Variants in RPN2 observed in about 807,000 individuals in gnomAD.
RPN2 encodes dolichyl-diphosphooligosaccharide--protein glycosyltransferase subunit 2.
Under a neutral mutation model 71.4 loss-of-function variants are expected in RPN2, and 29 were observed. The observed-to-expected ratio is 0.41, with a 90% CI of 0.30 to 0.55. RPN2 has a LOEUF of 0.55. Ranked by LOEUF, RPN2 falls within the 20% of genes least tolerant of loss-of-function variation. The probability of loss-of-function intolerance (pLI) is 0.35; values close to 1 mark genes in which losing one functional copy is unlikely to be tolerated. For synonymous variants in RPN2, 308 were observed against 305.0 expected (o/e 1.01, Z -0.10); for missense variants, 726 against 774.1 (o/e 0.94, Z 0.74).
At chr20:37,232,597 AG>A (rs1186329327) in intron 14 of RPN2, among the ~76,000 whole-genome samples, 2 of 152,150 alleles carry the variant, frequency 1.3e-5, no homozygotes, top group Non-Finnish European at 2.9e-5. Context: ...CGCATTAACA[AG>A]TGGGCATGAG....
At chr20:37,226,081 C>T (rs2068068446) in intron 11 of RPN2, among the ~76,000 whole-genome samples, 1 of 152,044 alleles carries the variant, frequency 6.6e-6, no homozygotes, top group Non-Finnish European at 1.5e-5. Flanking sequence ...TTCCTTCCTC[C>T]CTCCCTCCCT....
chr20:37,240,628 A>AT (rs2068526341), intron 16 of RPN2, among the ~76,000 whole-genome samples: 1 of 152,124 alleles, frequency 6.6e-6, no homozygotes, highest in Non-Finnish European at 1.5e-5. Context: ...GTCTGTCTAG[A>AT]TTGTCATTTT....
intron 7 of RPN2, 84 bp downstream of exon 7, chr20:37,207,533 C>T: frequency 7.9e-7 from 1 of 1,265,336 alleles, no homozygotes; most frequent in Non-Finnish European, 1.2e-6. Context: ...TGGTCACAGC[C>T]AATTACAGCC....
chr20:37,213,782 A>G lies in RPN2; in HGVS notation c.1009A>G (p.Met337Val). The G allele has an allele frequency of 1.9e-6, 3 of 1,614,020 alleles. No individual in the cohort carries two copies. Among genetic ancestry groups the G allele is most frequent in the Admixed American group, 1.7e-5 (1 of 60,010 alleles). ...PVGDVFELNF[M>V]NVKFSSGYYD... is the part of the protein sequence containing the mutation. ...CAGGGATGTTTTTGAACTAAATTTC[A>G]TGAACGTCAAATTTTCCAGTGGTTA... Residue 337 changes from methionine (M) to valine (V), a missense_variant, in exon 9 of 17, where the codon ATG becomes GTG. Transcript: ENST00000237530.
At chr20:37,225,300 C>G (rs1028351115) in intron 10 of RPN2, among the ~76,000 whole-genome samples, 1 of 152,218 alleles carries the variant, frequency 6.6e-6, no homozygotes, top group Admixed American at 6.5e-5. Flanking sequence ...GTGCTGCTGG[C>G]ATCAATCCTG....
At chr20:37,228,032 C>T (rs1439088299) in intron 11 of RPN2, among the ~76,000 whole-genome samples, 1 of 152,172 alleles carries the variant, frequency 6.6e-6, no homozygotes, top group African/African-American at 2.4e-5. Context: ...ATCTGTCTTC[C>T]AAGCCGAGGC....
At chr20:37,217,200 G>A (rs1362956666) in intron 9 of RPN2, among the ~76,000 whole-genome samples, 1 of 151,908 alleles carries the variant, frequency 6.6e-6, no homozygotes, top group East Asian at 1.9e-4. Flanking sequence ...CCAAAGTAGT[G>A]GGATTATAGG....
At chr20:37,229,884 G>A in intron 12 of RPN2, 89 bp from the exon 13 acceptor site, 3 of 1,005,620 alleles carry the variant, frequency 3.0e-6, no homozygotes, top group South Asian at 1.3e-5. Context: ...TTCAGTTATG[G>A]TCTTAGATGT....
chr20:37,220,154 C>T (rs1220429190), intron 9 of RPN2, among the ~76,000 whole-genome samples: 3 of 151,978 alleles, frequency 2.0e-5, no homozygotes, highest in African/African-American at 7.3e-5. Flanking sequence ...CTTCTCTCTT[C>T]CTCCTTATTA....
intron 14 of RPN2, 43 bp from the exon 15 acceptor site, chr20:37,233,977 T>A: frequency 6.2e-7 from 1 of 1,606,830 alleles, no homozygotes; most frequent in Non-Finnish European, 8.5e-7. Context: ...GCTTCCCTTT[T>A]AAGTTCTAAT....
intron 2 of RPN2, among the ~76,000 whole-genome samples, chr20:37,193,760 ATT>A: frequency 6.6e-6 from 1 of 152,144 alleles, no homozygotes; most frequent in Non-Finnish European, 1.5e-5. Context: ...AAGATCACGA[ATT>A]TGGTCTTTAC....
Position 37,187,998 on chromosome 20 carries a change from AT to A in RPN2, c.207+3634del, listed in dbSNP as rs1335636159. 6.0e-5 allele frequency among the ~76,000 whole-genome samples: 9 copies of A among 150,866 alleles called. No homozygotes were observed. The East Asian group carries it at 9.7e-4, about 16-fold the overall frequency. On this transcript the variant is annotated intron_variant, in intron 2 of 16. Coordinates refer to ENST00000237530, the MANE Select transcript of RPN2 (RefSeq NM_002951.5). ...ATCTTCTATTGACTGTTCAGATCTA[AT>A]TTTTTTTTAGTGTTTGTCTAGTTTT...
chr20:37,184,374 G>A lies in RPN2; in HGVS notation c.207+1G>A, dbSNP rs142686575. 6.2e-7 allele frequency: 1 copy of A among 1,613,898 alleles called. No individual in the cohort carries two copies. Among genetic ancestry groups the A allele is most frequent in the Admixed American group, 1.7e-5 (1 of 60,026 alleles). ...TGGTGCTCAGGTGCCAGATGCAAAG[G>A]TAAGGCTGCTTTTGTCCTGGTGGTC... On this transcript the variant is annotated splice_donor_variant, in intron 2 of 16. Transcript: ENST00000237530. LOFTEE classifies it high-confidence loss of function.
At position 37,184,181 on chromosome 20, in the gene RPN2, T is replaced by G; in HGVS notation, c.15T>G (p.Gly5=). ...ACTGAATGGTTGTTTCCCCCCAAGG[T>G]TCAAGCACTGTCTTCCTGTTGGCCC... MAPP[G]SSTVFLLALT... The change falls in exon 2 of 17, where the codon GGT becomes GGG. Residue 5 remains glycine (G), a splice_region_variant and synonymous_variant. Coordinates refer to ENST00000237530, the MANE Select transcript of RPN2 (RefSeq NM_002951.5). 1.9e-6 allele frequency: 3 copies of G among 1,614,016 alleles called. No individual in the cohort carries two copies. Among genetic ancestry groups the G allele is most frequent in the Non-Finnish European group, 2.5e-6 (3 of 1,180,000 alleles).
intron 8 of RPN2, among the ~76,000 whole-genome samples, chr20:37,212,022 C>T (rs2067684757): frequency 6.6e-6 from 1 of 152,174 alleles, no homozygotes; most frequent in Non-Finnish European, 1.5e-5. Flanking sequence ...CCTCCCACCT[C>T]AGCCTCCAAA....
chr20:37,185,576 T>G (rs6103948), intron 2 of RPN2, among the ~76,000 whole-genome samples: 5,054 of 152,302 alleles, frequency 0.033, 273 homozygotes, highest in African/African-American at 0.11. Flanking sequence ...ATGTAGGGGC[T>G]TAAAACACCA....
chr20:37,233,960 T>A, intron 14 of RPN2, 60 bp from the exon 15 acceptor site: 1 of 1,572,750 alleles, frequency 6.4e-7, no homozygotes, highest in Non-Finnish European at 8.7e-7. Context: ...TTGGCATGGC[T>A]TGTGTTGCTT....
intron 13 of RPN2, among the ~76,000 whole-genome samples, 194 bp downstream of exon 13, chr20:37,230,253 C>T (rs1032040995): frequency 6.6e-6 from 1 of 152,178 alleles, no homozygotes; most frequent in Non-Finnish European, 1.5e-5. Context: ...GGTGACTAAC[C>T]CCCAGAAAGC....
At position 37,184,340 on chromosome 20, in the gene RPN2, C is replaced by T. The variant is rs1342836612; in HGVS notation, c.174C>T (p.Leu58=). 1 of 1,614,216 alleles carries T rather than the reference C, an allele frequency of 6.2e-7. No homozygotes were observed. Among genetic ancestry groups the T allele is most frequent in the East Asian group, 2.2e-5 (1 of 44,880 alleles). ...LESAFYSIVG[L]SSLGAQVPDA... is the part of the protein sequence containing the mutation. ...CTGCCTTCTACTCCATCGTGGGACT[C>T]AGCAGCCTTGGTGCTCAGGTGCCAG... Residue 58 remains leucine (L), a synonymous_variant, in exon 2 of 17, where the codon CTC becomes CTT. Coordinates refer to ENST00000237530, the MANE Select transcript of RPN2 (RefSeq NM_002951.5).
Sources: gnomAD v4.1 joint callset for allele counts (sites outside exome capture counted in the v4.1 genomes callset) on GRCh38, gnomAD v4.1.1 for gene constraint, MANE v1.5 for transcripts, NCBI Gene and HGNC (gene_info 2026-07-23, HGNC 2026-07-21) for gene names.